Variants in DCTN6 observed in about 807,000 individuals in gnomAD.
DCTN6 encodes dynactin 6.
DCTN6 carries 15 observed loss-of-function variants against 25.8 expected under a neutral mutation model. The observed-to-expected ratio is 0.58, with a 90% CI of 0.39 to 0.89. The LOEUF (loss-of-function observed/expected upper bound fraction) is 0.89. DCTN6 is among the 40% of genes least tolerant of loss of function. The pLI is 0.00. For synonymous variants in DCTN6, 64 were observed against 78.3 expected, an observed-to-expected ratio of 0.82 and a Z score of 0.96; for missense variants, 198 against 237.6, an observed-to-expected ratio of 0.83 and a Z score of 1.09.
At chr8:30,167,549 G>A (rs1189250028) in intron 2 of DCTN6, among the ~76,000 whole-genome samples, 3 of 151,556 alleles carry the variant, frequency 2.0e-5, no homozygotes, top group African/African-American at 7.3e-5. Flanking sequence ...TCAAACTCCT[G>A]GCCTCAGTTG....
At chr8:30,158,996 G>T (rs1292465169) in intron 1 of DCTN6, among the ~76,000 whole-genome samples, 3 of 152,042 alleles carry the variant, frequency 2.0e-5, no homozygotes, top group Non-Finnish European at 4.4e-5. Context: ...TGGCCAGGCT[G>T]ATCTCGAACT....
chr8:30,181,039 AAAG>A (rs1248048667), intron 6 of DCTN6: 2 of 203,782 alleles, frequency 9.8e-6, no homozygotes, highest in Non-Finnish European at 1.9e-5. Context: ...AAATAAATAA[AAAG>A]AAAACAATGA....
At chr8:30,174,770 C>G (rs1803808833) in intron 2 of DCTN6, among the ~76,000 whole-genome samples, 1 of 152,216 alleles carries the variant, frequency 6.6e-6, no homozygotes, top group Admixed American at 6.5e-5. Flanking sequence ...CTAGCCCTTA[C>G]AGCAACCCTG....
In DCTN6 at chr8:30,164,195, C is replaced by T; in HGVS notation, c.88+20C>T. 6.3e-7 allele frequency: 1 copy of T among 1,579,898 alleles called. No individual in the cohort carries two copies. Among genetic ancestry groups the T allele is most frequent in the Non-Finnish European group, 8.7e-7 (1 of 1,149,084 alleles). On this transcript the variant is annotated intron_variant, in intron 2 of 6. Transcript: ENST00000221114. ...CTATCGGTAAGAAATAGTTTATTTA[C>T]TGTTTTTCAAGAATTGATGTGATTT...
intron 2 of DCTN6, among the ~76,000 whole-genome samples, chr8:30,166,974 AAGGAAGGAAGGG>A (rs1803685104): frequency 6.6e-6 from 1 of 151,354 alleles, no homozygotes; most frequent in East Asian, 1.9e-4. Flanking sequence ...GAAGGGAAGA[AAGGAAGGAAGGG>A]AGGAAGGAAA....
intron 5 of DCTN6, 135 bp from the exon 6 acceptor site, chr8:30,180,353 C>A: frequency 2.7e-6 from 3 of 1,128,594 alleles, no homozygotes; most frequent in Non-Finnish European, 3.7e-6. Context: ...TCCATACAAA[C>A]TCCAAACTGA....
intron 6 of DCTN6, among the ~76,000 whole-genome samples, chr8:30,182,429 C>T (rs1169045189): frequency 1.3e-5 from 2 of 152,072 alleles, no homozygotes; most frequent in Non-Finnish European, 2.9e-5. Flanking sequence ...AAACAAAATA[C>T]TCTGGGTGTT....
At chr8:30,159,672 A>T (rs1331985863) in intron 1 of DCTN6, among the ~76,000 whole-genome samples, 1 of 151,970 alleles carries the variant, frequency 6.6e-6, no homozygotes, top group African/African-American at 2.4e-5. Flanking sequence ...CTCCTCCCAT[A>T]GGCTATTCTC....
intron 1 of DCTN6, among the ~76,000 whole-genome samples, chr8:30,160,999 G>A (rs931676224): frequency 6.6e-6 from 1 of 152,124 alleles, no homozygotes; most frequent in South Asian, 2.1e-4. Context: ...TGCTACCAGT[G>A]CATTTGATAT....
Position 30,158,340 on chromosome 8 carries a change from G to A in DCTN6, c.23+1934G>A, listed in dbSNP as rs145012948. On this transcript the variant is annotated intron_variant, in intron 1 of 6. Transcript: ENST00000221114. ...TTATAGAGGCTAATGTATTTGACCA[G>A]GGCTTAATAAAATTGCATATTTTAA... Among the ~76,000 whole-genome samples, 62 of 152,284 alleles carry A rather than the reference G, an allele frequency of 4.1e-4. 2 individuals are homozygous for A. The highest frequency in any genetic ancestry group is 6.8e-3 in the Middle Eastern group (2 of 294).
At chr8:30,180,463 A>T in intron 5 of DCTN6, 25 bp from the exon 6 acceptor site, 4 of 1,602,090 alleles carry the variant, frequency 2.5e-6, no homozygotes, top group Non-Finnish European at 3.4e-6. Flanking sequence ...CTTAAGTTGC[A>T]GTTCTTTCTG....
intron 2 of DCTN6, among the ~76,000 whole-genome samples, chr8:30,171,079 T>G (rs1172629944): frequency 6.6e-6 from 1 of 152,196 alleles, no homozygotes; most frequent in East Asian, 1.9e-4. Flanking sequence ...AAAATGAAAC[T>G]GTCACTTGTT....
intron 2 of DCTN6, among the ~76,000 whole-genome samples, chr8:30,169,003 G>A (rs528065367): frequency 9.1e-4 from 139 of 152,286 alleles, no homozygotes; most frequent in South Asian, 2.7e-3. Context: ...GCACCGTCCC[G>A]TGGTCCATTA....
At chr8:30,174,477 C>T (rs1241619603) in intron 2 of DCTN6, among the ~76,000 whole-genome samples, 9 of 152,056 alleles carry the variant, frequency 5.9e-5, no homozygotes, top group Admixed American at 1.3e-4. Context: ...GGACTACAGG[C>T]GCACATACCA....
Position 30,180,631 on chromosome 8 carries a change from G to A in DCTN6, c.474+1G>A. 3.7e-6 allele frequency: 6 copies of A among 1,613,422 alleles called. No homozygotes were observed. The highest frequency in any genetic ancestry group is 1.3e-5 in the African/African-American group (1 of 75,000). ...TCGGGTGCAGACTGAGCGACCGCAG[G>A]TACTAGAACCTCTCTTTAAAAAGAG... On this transcript the variant is annotated splice_donor_variant, in intron 6 of 6. Transcript: ENST00000221114. LOFTEE classifies it high-confidence loss of function.
intron 6 of DCTN6, among the ~76,000 whole-genome samples, chr8:30,182,554 T>C (rs1403925201): frequency 6.6e-6 from 1 of 151,810 alleles, no homozygotes; most frequent in Non-Finnish European, 1.5e-5. Context: ...ATATATAAAA[T>C]CTGTTGGCTT....
chr8:30,163,678 A>G (rs867217597), intron 1 of DCTN6, among the ~76,000 whole-genome samples: 29 of 149,530 alleles, frequency 1.9e-4, no homozygotes, highest in African/African-American at 6.6e-4. Context: ...CCCTCTTACC[A>G]TTGACTTTCC....
intron 6 of DCTN6, among the ~76,000 whole-genome samples, chr8:30,181,586 C>T (rs1245175257): frequency 6.6e-6 from 1 of 152,132 alleles, no homozygotes; most frequent in Non-Finnish European, 1.5e-5. Flanking sequence ...ATATATATTT[C>T]TTTAGTTACC....
Position 30,175,190 on chromosome 8 carries a change from CG to C in DCTN6, c.194+1del. 1 of 1,611,832 alleles carries C rather than the reference CG, an allele frequency of 6.2e-7. No individual in the cohort carries two copies. Among genetic ancestry groups the C allele is most frequent in the Non-Finnish European group, 8.5e-7 (1 of 1,178,214 alleles). Reference sequence around the variant, plus strand: ...GAAGAACAGGCCCTTATCATAAATGCGTAAGACTCTTATACATACTGTGAAC... The same window carrying C: ...GAAGAACAGGCCCTTATCATAAATGCTAAGACTCTTATACATACTGTGAAC... On this transcript the variant is annotated splice_donor_variant, in intron 3 of 6. Transcript: ENST00000221114. LOFTEE classifies it high-confidence loss of function.
Sources: allele counts gnomAD v4.1 joint callset (sites outside exome capture counted in the v4.1 genomes callset), GRCh38; gene constraint gnomAD v4.1.1; transcripts MANE v1.5; gene names NCBI Gene and HGNC (gene_info 2026-07-23, HGNC 2026-07-21).